HSPD1: variants seen among roughly 807,000 people sequenced by gnomAD.
The protein encoded by HSPD1 is 60 kDa heat shock protein, mitochondrial.
HSPD1 carries 3 observed loss-of-function variants against 53.0 expected under a neutral mutation model. That is an observed-to-expected ratio of 0.06 (90% CI 0.03 to 0.15). The LOEUF is 0.15. Ranked by LOEUF, HSPD1 falls within the 10% of genes least tolerant of loss-of-function variation. HSPD1 has a pLI of 1.00. For synonymous variants in HSPD1, 200 were observed against 228.0 expected, an observed-to-expected ratio of 0.88 and a Z score of 1.10; for missense variants, 431 against 694.1, an observed-to-expected ratio of 0.62 and a Z score of 4.26.
At chr2:197,489,982 T>C (rs2086071464) in intron 8 of HSPD1, among the ~76,000 whole-genome samples, 1 of 152,168 alleles carries the variant, frequency 6.6e-6, no homozygotes, top group African/African-American at 2.4e-5. Flanking sequence ...ACCCCCTTAT[T>C]CAGTCAATAA....
chr2:197,499,666 C>CGCGGT (rs1162877674), intron 1 of HSPD1, 116 bp downstream of exon 1: 1 of 152,114 alleles, frequency 6.6e-6, no homozygotes, highest in Non-Finnish European at 1.5e-5. Context: ...TGCGGTGCGG[C>CGCGGT]GCGGTGCGGA....
chr2:197,497,440 T>C (rs150400489), intron 2 of HSPD1, 48 bp from the exon 3 acceptor site: 416 of 1,593,966 alleles, frequency 2.6e-4, no homozygotes, highest in Middle Eastern at 1.2e-3. Context: ...AAGGATGATT[T>C]ACATTTTTAA....
At chr2:197,490,479 A>T in intron 7 of HSPD1, 183 bp from the exon 8 acceptor site, 3 of 608,128 alleles carry the variant, frequency 4.9e-6, no homozygotes, top group Non-Finnish European at 8.7e-6. Flanking sequence ...AGTATCTGAG[A>T]CAGTTTAGGC....
intron 1 of HSPD1, chr2:197,499,111 C>G: frequency 1.8e-6 from 1 of 547,966 alleles, no homozygotes; most frequent in South Asian, 2.0e-5. Context: ...GGCCACCTAT[C>G]CCTGCCGCCA....
intron 8 of HSPD1, 89 bp from the exon 9 acceptor site, chr2:197,489,336 C>T (rs2086063310): frequency 1.5e-6 from 2 of 1,303,256 alleles, no homozygotes; most frequent in African/African-American, 2.9e-5. Context: ...AGAGAATCAT[C>T]AAAATACTTT....
At chr2:197,493,190 C>T in intron 7 of HSPD1, 134 bp downstream of exon 7, 1 of 803,608 alleles carries the variant, frequency 1.2e-6, no homozygotes, top group Admixed American at 1.8e-5. Context: ...ACCTGATTTA[C>T]ACAATTACAA....
intron 9 of HSPD1, 113 bp from the exon 10 acceptor site, chr2:197,488,604 C>G: frequency 1.0e-6 from 1 of 971,092 alleles, no homozygotes; most frequent in Non-Finnish European, 1.7e-6. Flanking sequence ...CGTGGTGGCT[C>G]ACACCTGTAA....
Position 197,493,172 on chromosome 2 carries a change from T to C in HSPD1, c.869+152A>G, listed in dbSNP as rs936340355. 8.2e-6 allele frequency: 6 copies of C among 734,810 alleles called. No individual in the cohort carries two copies. The African/African-American group carries it at 1.1e-4, about 13-fold the overall frequency. 45.5% of individuals were successfully genotyped at this position (734,810 alleles called of 1,614,324 possible). ...CAAAAACACAACCATAAGGATACAT[T>C]AGAGCACACCTGATTTACACAATTA... On this transcript the variant is annotated intron_variant, in intron 7 of 11. Transcript: ENST00000388968.
At chr2:197,499,338 T>A (rs1200751729) in intron 1 of HSPD1, 1 of 166,542 alleles carries the variant, frequency 6.0e-6, no homozygotes, top group Non-Finnish European at 1.3e-5. Flanking sequence ...AAGGCCGCGA[T>A]GCTGGGGGCG....
intron 4 of HSPD1, 70 bp from the exon 5 acceptor site, chr2:197,494,822 T>C: frequency 2.0e-6 from 2 of 1,013,504 alleles, no homozygotes; most frequent in Non-Finnish European, 3.2e-6. Context: ...CCCTTACCTT[T>C]TCCTAGTAAC....
chr2:197,496,431 T>G (rs1559303416), intron 3 of HSPD1, among the ~76,000 whole-genome samples: 1 of 152,188 alleles, frequency 6.6e-6, no homozygotes, highest in Non-Finnish European at 1.5e-5. Context: ...ATGCCAATTC[T>G]GACAAAAAAT....
At chr2:197,495,508 C>A in intron 3 of HSPD1, 132 bp from the exon 4 acceptor site, 1 of 653,914 alleles carries the variant, frequency 1.5e-6, no homozygotes, top group East Asian at 2.8e-5. Context: ...TTTTTTGAGA[C>A]AGGGTCTTGT....
At chr2:197,489,624 C>T (rs1256031508) in intron 8 of HSPD1, among the ~76,000 whole-genome samples, 3 of 152,058 alleles carry the variant, frequency 2.0e-5, no homozygotes, top group African/African-American at 7.2e-5. Context: ...CTTTGGGAGG[C>T]GGAGGCAGGC....
In HSPD1 at chr2:197,486,652, AATT is replaced by A. The variant is rs1248364227; in HGVS notation, c.*391_*393del. ...TTGGATACTTCTCTACTTTGTACAC[AATT>A]ATTCTCACTCTCCACAGAAAGGCTG... On this transcript the variant is annotated 3_prime_UTR_variant, in exon 12 of 12. Transcript: ENST00000388968. The A allele has an allele frequency of 1.1e-5, 3 of 274,102 alleles. No individual in the cohort carries two copies. The highest frequency in any genetic ancestry group is 4.8e-5 in the Admixed American group (1 of 20,842). 17.0% of individuals were successfully genotyped at this position (274,102 alleles called of 1,614,324 possible). A position where few individuals can be genotyped will look rare whatever the true frequency, so the allele number is the denominator to read the frequency against.
At position 197,489,077 on chromosome 2, in the gene HSPD1, G is replaced by A. The variant is rs61736612; in HGVS notation, c.1140C>T (p.Val380=). The A allele has an allele frequency of 0.011, 17,658 of 1,613,686 alleles. 1,525 individuals are homozygous for A. In the African/African-American group the frequency reaches 0.2, roughly 18 times the overall value. ...TTTCCTTTTCATATTCACTAGTTGT[G>A]ACATCTAACTGCTCAATGATTTCTT... The part of the protein sequence containing the change: ...RIQEIIEQLD[V]TTSEYEKEKL... Residue 380 remains valine (V), a synonymous_variant, in exon 9 of 12, where the codon GTC becomes GTT. Coordinates refer to ENST00000388968, the MANE Select transcript of HSPD1 (RefSeq NM_002156.5).
At chr2:197,491,019 C>A (rs1374940534) in intron 7 of HSPD1, among the ~76,000 whole-genome samples, 2 of 152,032 alleles carry the variant, frequency 1.3e-5, no homozygotes, top group South Asian at 4.1e-4. Context: ...ACAGAAGCAA[C>A]GTTCAAACTT....
upstream of HSPD1, chr2:197,500,076 C>G (rs2086227628): frequency 3.2e-6 from 1 of 313,270 alleles, no homozygotes; most frequent in Non-Finnish European, 6.1e-6. Context: ...GGTTCCAGAA[C>G]TTTCCAGAAA....
chr2:197,487,847 C>T lies in HSPD1; in HGVS notation c.1569+11G>A. On this transcript the variant is annotated intron_variant, in intron 11 of 11. Transcript: ENST00000388968. ...AACAAAAGAATTTTTAGAAAGTGTT[C>T]AACCATTTACCTTTGTTGGGTCAAT... 2.5e-6 allele frequency: 4 copies of T among 1,607,952 alleles called. No homozygotes were observed. Among genetic ancestry groups the T allele is most frequent in the Non-Finnish European group, 3.4e-6 (4 of 1,174,528 alleles).
At chr2:197,497,576 T>C (rs1461804477) in intron 2 of HSPD1, 184 bp from the exon 3 acceptor site, 2 of 633,376 alleles carry the variant, frequency 3.2e-6, no homozygotes, top group Non-Finnish European at 2.8e-6. Context: ...ACAGACAAAA[T>C]GACCTGATTC....
Sources: allele counts gnomAD v4.1 joint callset (sites outside exome capture counted in the v4.1 genomes callset), GRCh38; gene constraint gnomAD v4.1.1; transcripts MANE v1.5; gene names NCBI Gene and HGNC (gene_info 2026-07-23, HGNC 2026-07-21).